EPHA6: variants seen among roughly 807,000 people sequenced by gnomAD.
EPHA6 encodes ephrin type-A receptor 6.
EPHA6 carries 50 observed loss-of-function variants against 112.0 expected under a neutral mutation model. The ratio of observed to expected loss-of-function variants is 0.45; its 90% CI spans 0.36 to 0.56. EPHA6 has a LOEUF of 0.56. Among genes scored for constraint, EPHA6 ranks in the 20% least tolerant of loss-of-function variants. The pLI is 0.00. For synonymous variants in EPHA6, 529 were observed against 490.7 expected (o/e 1.08, Z -1.03); for missense variants, 1,280 against 1,417.4 (o/e 0.90, Z 1.56).
intron 3 of EPHA6, among the ~76,000 whole-genome samples, chr3:97,206,095 TA>T (rs2077706767): frequency 1.3e-5 from 2 of 152,128 alleles, no homozygotes; most frequent in South Asian, 4.1e-4. Flanking sequence ...AAGCCGCACT[TA>T]AAGTTTATCT....
intron 2 of EPHA6, among the ~76,000 whole-genome samples, chr3:96,889,705 C>G (rs1291076129): frequency 2.6e-5 from 4 of 152,004 alleles, no homozygotes; most frequent in Non-Finnish European, 5.9e-5. Flanking sequence ...AAATTGTATG[C>G]AAATTCAAAG....
At chr3:96,996,645 T>C (rs1289169381) in intron 3 of EPHA6, among the ~76,000 whole-genome samples, 1 of 152,092 alleles carries the variant, frequency 6.6e-6, no homozygotes, top group Non-Finnish European at 1.5e-5. Context: ...AGCAATCTTA[T>C]TTTCTGAGCA....
chr3:96,819,030 A>G (rs1157312024), intron 1 of EPHA6, among the ~76,000 whole-genome samples: 1 of 151,984 alleles, frequency 6.6e-6, no homozygotes, highest in African/African-American at 2.4e-5. Flanking sequence ...TCCAGCAGTG[A>G]TCATCTAATT....
At chr3:97,100,009 T>C (rs1378498252) in intron 3 of EPHA6, among the ~76,000 whole-genome samples, 1 of 151,980 alleles carries the variant, frequency 6.6e-6, no homozygotes, top group Non-Finnish European at 1.5e-5. Context: ...ACCATGTGTA[T>C]GTGTATTTTT....
At chr3:97,120,585 A>G (rs2048014804) in intron 3 of EPHA6, among the ~76,000 whole-genome samples, 1 of 151,582 alleles carries the variant, frequency 6.6e-6, no homozygotes, top group African/African-American at 2.4e-5. Context: ...AGTTAAAAAA[A>G]GGGTTTTAAA....
At chr3:97,286,817 GA>G (rs1388710026) in intron 5 of EPHA6, among the ~76,000 whole-genome samples, 2 of 151,460 alleles carry the variant, frequency 1.3e-5, no homozygotes, top group African/African-American at 4.8e-5. Flanking sequence ...TTGAATTATA[GA>G]TTGCTTTCGG....
chr3:96,952,642 A>G (rs779425374), intron 2 of EPHA6, among the ~76,000 whole-genome samples: 30 of 152,204 alleles, frequency 2.0e-4, no homozygotes, highest in Non-Finnish European at 2.1e-4. Context: ...GCAACTGAAA[A>G]TGGACTTTCT....
At chr3:97,125,084 A>G (rs2108312471) in intron 3 of EPHA6, among the ~76,000 whole-genome samples, 1 of 152,308 alleles carries the variant, frequency 6.6e-6, no homozygotes, top group East Asian at 1.9e-4. Flanking sequence ...GGATATCATA[A>G]AGGACTCTTA....
intron 5 of EPHA6, among the ~76,000 whole-genome samples, chr3:97,260,885 T>G (rs2102082): frequency 0.077 from 11,733 of 152,240 alleles, 992 homozygotes; most frequent in Admixed American, 0.21. Flanking sequence ...CTGAAATCAT[T>G]GGCACAGGAA....
chr3:97,123,754 A>G (rs1238220519), intron 3 of EPHA6, among the ~76,000 whole-genome samples: 2 of 152,150 alleles, frequency 1.3e-5, no homozygotes, highest in Non-Finnish European at 2.9e-5. Context: ...ATTTTCAGGA[A>G]GTTTTGCATC....
At chr3:97,575,633 T>C (rs1438222798) in intron 11 of EPHA6, among the ~76,000 whole-genome samples, 2 of 152,196 alleles carry the variant, frequency 1.3e-5, no homozygotes, top group Non-Finnish European at 2.9e-5. Context: ...TAACGATAGT[T>C]TGTGTATTAT....
intron 3 of EPHA6, among the ~76,000 whole-genome samples, chr3:97,056,591 T>C (rs1019354354): frequency 4.6e-5 from 7 of 152,188 alleles, no homozygotes; most frequent in Non-Finnish European, 7.3e-5. Context: ...ATGTCCAGAT[T>C]CATCTGTGCT....
chr3:97,680,300 G>T (rs576095678), intron 14 of EPHA6, among the ~76,000 whole-genome samples: 1 of 152,220 alleles, frequency 6.6e-6, no homozygotes, highest in East Asian at 1.9e-4. Context: ...GGCTTACTAT[G>T]CTCTCTCTGA....
intron 11 of EPHA6, among the ~76,000 whole-genome samples, chr3:97,573,251 G>C (rs2093351920): frequency 6.6e-6 from 1 of 152,048 alleles, no homozygotes; most frequent in Non-Finnish European, 1.5e-5. Flanking sequence ...CTTCTTATTT[G>C]TGTACAAAGA....
chr3:96,857,320 G>A (rs2035755060), intron 1 of EPHA6, among the ~76,000 whole-genome samples: 1 of 151,996 alleles, frequency 6.6e-6, no homozygotes, highest in Non-Finnish European at 1.5e-5. Flanking sequence ...TGCATTTATT[G>A]TATTTTATAT....
intron 1 of EPHA6, among the ~76,000 whole-genome samples, chr3:96,848,128 T>C (rs977626631): frequency 6.6e-6 from 1 of 152,078 alleles, no homozygotes; most frequent in African/African-American, 2.4e-5. Context: ...AAATGTATCT[T>C]ACAAATTAGA....
chr3:97,688,545 A>G (rs183632975), intron 14 of EPHA6, among the ~76,000 whole-genome samples: 101 of 123,976 alleles, frequency 8.1e-4, no homozygotes, highest in Admixed American at 3.4e-3. Flanking sequence ...TGGACACAGG[A>G]TGGGGAACAT....
Position 97,598,511 on chromosome 3 carries a change from C to T in EPHA6, c.2512+5774C>T, listed in dbSNP as rs894147642. On this transcript the variant is annotated intron_variant, in intron 12 of 17. Coordinates refer to ENST00000389672, the MANE Select transcript of EPHA6 (RefSeq NM_001080448.3). ...ATTCCCACCTATGAGTGAGAATATG[C>T]GGTGTTTGGTTTTTTGTTCTTGTGA... Among the ~76,000 whole-genome samples the T allele has an allele frequency of 1.9e-4, 27 of 145,926 alleles. No individual in the cohort carries two copies. The South Asian group carries it at 2.0e-3, about 11-fold the overall frequency.
At chr3:97,359,229 T>C (rs1304651530) in intron 5 of EPHA6, among the ~76,000 whole-genome samples, 1 of 152,042 alleles carries the variant, frequency 6.6e-6, no homozygotes, top group Non-Finnish European at 1.5e-5. Flanking sequence ...TAGGTTCTGT[T>C]CACATTTCCT....
Sources: gnomAD v4.1 joint callset for allele counts (sites outside exome capture counted in the v4.1 genomes callset) on GRCh38, gnomAD v4.1.1 for gene constraint, MANE v1.5 for transcripts, NCBI Gene and HGNC (gene_info 2026-07-23, HGNC 2026-07-21) for gene names.